LRPPRC: variants seen among roughly 807,000 people sequenced by gnomAD.
The protein encoded by LRPPRC is leucine rich pentatricopeptide repeat containing, also known as leucine-rich PPR motif-containing protein, mitochondrial.
In LRPPRC, 120 loss-of-function variants were observed where a neutral mutation model predicts 180.3. The observed-to-expected ratio is 0.67, with a 90% CI of 0.57 to 0.77. LRPPRC has a LOEUF of 0.77. LRPPRC is among the 30% of genes least tolerant of loss of function. LRPPRC has a pLI of 0.00. For synonymous variants in LRPPRC, 723 were observed against 600.0 expected (o/e 1.21, Z -3.00); for missense variants, 2,012 against 1,657.2 (o/e 1.21, Z -3.72).
At chr2:43,938,232 A>C (rs1448824398) in intron 23 of LRPPRC, among the ~76,000 whole-genome samples, 1 of 152,106 alleles carries the variant, frequency 6.6e-6, no homozygotes, top group Non-Finnish European at 1.5e-5. Context: ...AATAGACTAC[A>C]TAATTTTCAT....
chr2:43,897,278 T>TA (rs775337135), intron 34 of LRPPRC, among the ~76,000 whole-genome samples: 50 of 148,052 alleles, frequency 3.4e-4, no homozygotes, highest in African/African-American at 6.4e-4. Context: ...AAAGTTAAAC[T>TA]AAAAAAAAAA....
At chr2:43,891,450 C>G (rs1277685308) in intron 36 of LRPPRC, among the ~76,000 whole-genome samples, 3 of 152,306 alleles carry the variant, frequency 2.0e-5, no homozygotes, top group East Asian at 3.9e-4. Context: ...TACTTTGTGT[C>G]TCTGTGTCAC....
rs141384427 is a variant in LRPPRC, at chr2:43,943,840, G to C, written c.2351C>G (p.Thr784Arg). The C allele has an allele frequency of 2.0e-4, 329 of 1,613,200 alleles. No homozygotes were observed. Among genetic ancestry groups the C allele is most frequent in the Non-Finnish European group, 2.6e-4 (304 of 1,179,314 alleles). ...MKEKDVLIKD[T>R]TALSFFHMLN... ...CATGTGGAAAAAGGACAAGGCTGTT[G>C]TATCTTTGATAAGAACATCCTTCTC... The change falls in exon 23 of 38, where the codon ACA becomes AGA. Residue 784 changes from threonine to arginine, a missense_variant. Coordinates refer to ENST00000260665, the MANE Select transcript of LRPPRC (RefSeq NM_133259.4).
intron 30 of LRPPRC, among the ~76,000 whole-genome samples, chr2:43,907,714 G>A (rs2105004501): frequency 6.6e-6 from 1 of 152,142 alleles, no homozygotes; most frequent in South Asian, 2.1e-4. Context: ...AAAATGAAGG[G>A]AAAAAAATTA....
chr2:43,907,892 G>A (rs577390230), intron 30 of LRPPRC, among the ~76,000 whole-genome samples: 5 of 152,214 alleles, frequency 3.3e-5, no homozygotes, highest in African/African-American at 1.2e-4. Flanking sequence ...GTTGCCTTAT[G>A]GTTTTAATGG....
rs1332993352 is a variant in LRPPRC, at chr2:43,973,792, T to C, written c.1261+3A>G. 1.2e-6 allele frequency: 2 copies of C among 1,610,128 alleles called. No individual in the cohort carries two copies. Among genetic ancestry groups the C allele is most frequent in the Non-Finnish European group, 1.7e-6 (2 of 1,176,312 alleles). On this transcript the variant is annotated splice_donor_region_variant and intron_variant, in intron 10 of 37. Coordinates refer to ENST00000260665, the MANE Select transcript of LRPPRC (RefSeq NM_133259.4). Reference sequence around the variant, plus strand: ...CTTGGCTTTAACTTTAAGAATGTAGTACCAGTTTTATTGGCGAGTAAAGCA... The same window carrying C: ...CTTGGCTTTAACTTTAAGAATGTAGCACCAGTTTTATTGGCGAGTAAAGCA...
chr2:43,972,558 G>C (rs1182704418), intron 11 of LRPPRC, among the ~76,000 whole-genome samples: 1 of 152,066 alleles, frequency 6.6e-6, no homozygotes, highest in Non-Finnish European at 1.5e-5. Context: ...CAAAACACTG[G>C]GTTATAGGTT....
chr2:43,973,408 A>T (rs1301110123), intron 11 of LRPPRC, among the ~76,000 whole-genome samples, 199 bp downstream of exon 11: 1 of 152,204 alleles, frequency 6.6e-6, no homozygotes, highest in African/African-American at 2.4e-5. Context: ...AAATTAATGA[A>T]ATTCAGATGA....
chr2:43,990,962 C>T (rs1674750025), intron 1 of LRPPRC, among the ~76,000 whole-genome samples: 1 of 151,858 alleles, frequency 6.6e-6, no homozygotes, highest in South Asian at 2.1e-4. Context: ...TCTCCTGCCT[C>T]AGCCTCCCAA....
At chr2:43,899,359 A>C (rs779598061) in intron 33 of LRPPRC, 25 bp from the exon 34 acceptor site, 3 of 1,608,410 alleles carry the variant, frequency 1.9e-6, no homozygotes, top group Non-Finnish European at 2.6e-6. Context: ...GGTAAGAAAA[A>C]TCTTTCATTA....
rs1670314362 is a variant in LRPPRC at position 43,887,618 on chromosome 2, A to T, written c.*982T>A. 1 of 152,220 alleles carries T rather than the reference A, an allele frequency of 6.6e-6. No individual in the cohort carries two copies. The highest frequency in any genetic ancestry group is 2.1e-4 in the South Asian group (1 of 4,836). The allele number at this position is 152,220 out of a possible 1,614,324, so 9.4% of individuals were successfully genotyped here. On this transcript the variant is annotated 3_prime_UTR_variant, in exon 38 of 38. Coordinates refer to ENST00000260665, the MANE Select transcript of LRPPRC (RefSeq NM_133259.4). Reference sequence around the variant, plus strand: ...CAACATTTCGGTAATTAATTACCTCATCTCCAGTTAGGTCAATATTCCATA... The same window carrying T: ...CAACATTTCGGTAATTAATTACCTCTTCTCCAGTTAGGTCAATATTCCATA...
At chr2:43,993,842 T>C (rs1480982142) in intron 1 of LRPPRC, among the ~76,000 whole-genome samples, 6 of 151,658 alleles carry the variant, frequency 4.0e-5, no homozygotes, top group Non-Finnish European at 8.8e-5. Context: ...AGTGTTGAGG[T>C]AAGGCTTCCC....
chr2:43,894,641 C>T lies in LRPPRC; in HGVS notation c.3901-12G>A. On this transcript the variant is annotated splice_polypyrimidine_tract_variant and intron_variant, in intron 35 of 37. Coordinates refer to ENST00000260665, the MANE Select transcript of LRPPRC (RefSeq NM_133259.4). The stretch of plus-strand genomic sequence containing the variant: ...TTCACAGTTGATGCCTAGGAAATTA[C>T]ATAAAGGTAATATTATGAAAACCGC... The T allele has an allele frequency of 7.3e-7, 1 of 1,366,918 alleles. No homozygotes were observed. Among genetic ancestry groups the T allele is most frequent in the Non-Finnish European group, 1.0e-6 (1 of 954,732 alleles). The allele number at this position is 1,366,918 out of a possible 1,614,324, so 84.7% of individuals were successfully genotyped here.
chr2:43,893,076 A>G (rs1670552866), intron 36 of LRPPRC, among the ~76,000 whole-genome samples: 1 of 152,200 alleles, frequency 6.6e-6, no homozygotes. Flanking sequence ...CAAGACAACT[A>G]GAAGGAGAAG....
chr2:43,918,006 C>T lies in LRPPRC; in HGVS notation c.3148+19G>A, dbSNP rs754617597. 2.0e-6 allele frequency: 3 copies of T among 1,537,462 alleles called. No homozygotes were observed. Among genetic ancestry groups the T allele is most frequent in the Non-Finnish European group, 2.7e-6 (3 of 1,111,692 alleles). On this transcript the variant is annotated intron_variant, in intron 29 of 37. Transcript: ENST00000260665. ...AAGACCACCCCCCCACACACACCCC[C>T]ATCCCCGTATGTGCTTGCCTTTTTT...
At chr2:43,895,042 C>T (rs921221205) in intron 35 of LRPPRC, among the ~76,000 whole-genome samples, 1 of 152,118 alleles carries the variant, frequency 6.6e-6, no homozygotes, top group Non-Finnish European at 1.5e-5. Flanking sequence ...ACTTGACATA[C>T]AAAAAAGAGC....
intron 36 of LRPPRC, among the ~76,000 whole-genome samples, chr2:43,892,353 T>C (rs1178727596): frequency 6.6e-6 from 1 of 152,210 alleles, no homozygotes; most frequent in African/African-American, 2.4e-5. Context: ...TTGATGCCAA[T>C]GCTCACTTAC....
At chr2:43,971,286 T>C (rs532031931) in intron 11 of LRPPRC, among the ~76,000 whole-genome samples, 1 of 151,850 alleles carries the variant, frequency 6.6e-6, no homozygotes, top group Admixed American at 6.6e-5. Context: ...GCCAACTGGC[T>C]AGAGATGCAT....
rs755338807 is a variant in LRPPRC, at chr2:43,995,959, C to A, written c.-12G>T. The A allele has an allele frequency of 6.6e-7, 1 of 1,524,666 alleles. No individual in the cohort carries two copies. Among genetic ancestry groups the A allele is most frequent in the South Asian group, 1.2e-5 (1 of 83,060 alleles). The allele number at this position is 1,524,666 out of a possible 1,614,324, so 94.4% of individuals were successfully genotyped here. On this transcript the variant is annotated 5_prime_UTR_variant, in exon 1 of 38. Coordinates refer to ENST00000260665, the MANE Select transcript of LRPPRC (RefSeq NM_133259.4). ...AGCAGGGCTGCCATTGCTCGAACGT[C>A]CCCGCAGCGGGAAGCACGCTCCGCC...
Sources: gnomAD v4.1 joint callset for allele counts (sites outside exome capture counted in the v4.1 genomes callset) on GRCh38, gnomAD v4.1.1 for gene constraint, MANE v1.5 for transcripts, NCBI Gene and HGNC (gene_info 2026-07-23, HGNC 2026-07-21) for gene names.